The following IL33 variants were observed in gnomAD, a reference collection of about 807,000 sequenced individuals.
IL33 encodes interleukin-33.
A neutral mutation model predicts 27.3 loss-of-function variants in IL33; 37 were observed. The ratio of observed to expected loss-of-function variants is 1.36; its 90% CI spans 1.04 to 1.78. The LOEUF is 1.78. Ranked by LOEUF, IL33 falls within the 40% of genes most tolerant of loss-of-function variation. The probability of loss-of-function intolerance (pLI) is 0.00; values close to 1 mark genes in which losing one functional copy is unlikely to be tolerated. For synonymous variants in IL33, 132 were observed against 102.9 expected (o/e 1.28, Z -1.71); for missense variants, 406 against 311.4 (o/e 1.30, Z -2.29).
intron 2 of IL33, among the ~76,000 whole-genome samples, chr9:6,250,060 A>G (rs1816254699): frequency 6.6e-6 from 1 of 152,174 alleles, no homozygotes; most frequent in Non-Finnish European, 1.5e-5. Flanking sequence ...CTCATATGGA[A>G]TTCTGAAAAC....
intron 1 of IL33, among the ~76,000 whole-genome samples, chr9:6,234,683 C>A (rs1392473789): frequency 6.6e-6 from 1 of 152,148 alleles, no homozygotes; most frequent in Non-Finnish European, 1.5e-5. Flanking sequence ...ATTAACATTG[C>A]CCTCACTAGG....
At chr9:6,251,303 G>A in intron 4 of IL33, 38 bp downstream of exon 4, 2 of 1,608,680 alleles carry the variant, frequency 1.2e-6, no homozygotes, top group Non-Finnish European at 1.7e-6. Context: ...GAGTGAGGAG[G>A]GAGGTATGAC....
intron 2 of IL33, among the ~76,000 whole-genome samples, chr9:6,245,473 G>A (rs1196664440): frequency 1.3e-5 from 2 of 152,118 alleles, no homozygotes; most frequent in Non-Finnish European, 2.9e-5. Context: ...TGAAAATGTT[G>A]AACTGAGGAA....
At chr9:6,232,370 G>C (rs917712155) in intron 1 of IL33, among the ~76,000 whole-genome samples, 2 of 152,178 alleles carry the variant, frequency 1.3e-5, no homozygotes, top group African/African-American at 4.8e-5. Context: ...TTGTTGTTCA[G>C]AGGTGAATGA....
At chr9:6,243,301 T>A (rs1190261744) in intron 2 of IL33, among the ~76,000 whole-genome samples, 1 of 152,210 alleles carries the variant, frequency 6.6e-6, no homozygotes, top group Non-Finnish European at 1.5e-5. Flanking sequence ...AAGGGCTGTA[T>A]AACTCTTTGA....
chr9:6,247,318 G>A (rs1450742173), intron 2 of IL33, among the ~76,000 whole-genome samples: 2 of 152,062 alleles, frequency 1.3e-5, no homozygotes, highest in African/African-American at 4.8e-5. Flanking sequence ...AAGGAAAGAG[G>A]GGTTCAAAGA....
At chr9:6,225,033 C>T (rs1346006868) in intron 1 of IL33, among the ~76,000 whole-genome samples, 1 of 152,126 alleles carries the variant, frequency 6.6e-6, no homozygotes, top group Non-Finnish European at 1.5e-5. Context: ...CTCTTGTCAC[C>T]CTCACCACCT....
intron 2 of IL33, among the ~76,000 whole-genome samples, chr9:6,248,231 TTTTC>T (rs1287557517): frequency 7.4e-6 from 1 of 134,858 alleles, no homozygotes; most frequent in African/African-American, 3.0e-5. Context: ...TCTTTTTTTC[TTTTC>T]TTTTCTTTTT....
At chr9:6,248,133 A>C (rs1819974048) in intron 2 of IL33, among the ~76,000 whole-genome samples, 2 of 152,266 alleles carry the variant, frequency 1.3e-5, no homozygotes, top group Non-Finnish European at 2.9e-5. Flanking sequence ...CTGAAAAGAC[A>C]ATGTGATATA....
chr9:6,249,149 T>A (rs1816185934), intron 2 of IL33, among the ~76,000 whole-genome samples: 1 of 152,172 alleles, frequency 6.6e-6, no homozygotes, highest in African/African-American at 2.4e-5. Flanking sequence ...AATTAAGTGG[T>A]CTCCCCTTAT....
intron 1 of IL33, among the ~76,000 whole-genome samples, chr9:6,221,883 G>A (rs1436213179): frequency 2.6e-5 from 4 of 152,194 alleles, no homozygotes; most frequent in Non-Finnish European, 5.9e-5. Flanking sequence ...GGAGAAGAGA[G>A]GTGTTTAACA....
chr9:6,223,610 A>G (rs1818503654), intron 1 of IL33, among the ~76,000 whole-genome samples: 1 of 152,120 alleles, frequency 6.6e-6, no homozygotes, highest in African/African-American at 2.4e-5. Context: ...TTCAACCATA[A>G]AGATATTATT....
intron 1 of IL33, among the ~76,000 whole-genome samples, chr9:6,221,865 A>G (rs948778606): frequency 6.6e-6 from 1 of 152,238 alleles, no homozygotes; most frequent in Non-Finnish European, 1.5e-5. Flanking sequence ...ATTTAGCCTT[A>G]TCTTTGGGGA....
Position 6,255,201 on chromosome 9 carries a change from A to G in IL33, c.612+648A>G, listed in dbSNP as rs1816654474. Among the ~76,000 whole-genome samples, 5 of 152,332 alleles carry G rather than the reference A, an allele frequency of 3.3e-5. No homozygotes were observed. In the South Asian group the frequency reaches 1.0e-3, roughly 32 times the overall value. ...CTATTTTGACAAACAAGCCAAAGGTAGAGGCATGGAAGAAAACAGAAGAGA... is the reference window on the plus strand; with the variant it reads ...CTATTTTGACAAACAAGCCAAAGGTGGAGGCATGGAAGAAAACAGAAGAGA... On this transcript the variant is annotated intron_variant, in intron 7 of 7. Transcript: ENST00000682010.
At chr9:6,252,394 G>C (rs1816449102) in intron 4 of IL33, among the ~76,000 whole-genome samples, 1 of 152,112 alleles carries the variant, frequency 6.6e-6, no homozygotes, top group South Asian at 2.1e-4. Context: ...ACTGCACTAA[G>C]TGTCCCTGTT....
In IL33 at chr9:6,257,412, G is replaced by A. The variant is rs1469772954; in HGVS notation, c.*1244G>A. 1 of 152,464 alleles carries A rather than the reference G, an allele frequency of 6.6e-6. No individual in the cohort carries two copies. The highest frequency in any genetic ancestry group is 2.4e-5 in the African/African-American group (1 of 41,402). 9.4% of individuals were successfully genotyped at this position (152,464 alleles called of 1,614,324 possible). ...TCACCTGACCTCTGGATGCCAAAACGTTTATTCTGCTTTGTCTGTTGTAGA... is the reference window on the plus strand; with the variant it reads ...TCACCTGACCTCTGGATGCCAAAACATTTATTCTGCTTTGTCTGTTGTAGA... On this transcript the variant is annotated 3_prime_UTR_variant, in exon 8 of 8. Coordinates refer to ENST00000682010, the MANE Select transcript of IL33 (RefSeq NM_033439.4).
At chr9:6,255,453 A>G (rs1816668353) in intron 7 of IL33, among the ~76,000 whole-genome samples, 1 of 152,168 alleles carries the variant, frequency 6.6e-6, no homozygotes, top group African/African-American at 2.4e-5. Flanking sequence ...TGTTTTACAA[A>G]TATTATTTTA....
At chr9:6,229,761 C>T (rs909399387) in intron 1 of IL33, among the ~76,000 whole-genome samples, 3 of 152,164 alleles carry the variant, frequency 2.0e-5, no homozygotes, top group African/African-American at 7.2e-5. Flanking sequence ...ATGACTAAAG[C>T]ACAACCCTTG....
chr9:6,216,299 T>A (rs961348740), intron 1 of IL33, among the ~76,000 whole-genome samples: 1 of 152,260 alleles, frequency 6.6e-6, no homozygotes, highest in African/African-American at 2.4e-5. Context: ...CCTGGGTAAT[T>A]TTTTTAGTTT....
Sources: allele counts gnomAD v4.1 joint callset (sites outside exome capture counted in the v4.1 genomes callset), GRCh38; gene constraint gnomAD v4.1.1; transcripts MANE v1.5; gene names NCBI Gene and HGNC (gene_info 2026-07-23, HGNC 2026-07-21).